H2BC18: variants seen among roughly 807,000 people sequenced by gnomAD.
H2BC18 encodes histone H2B type 2-F.
In H2BC18, 8 loss-of-function variants were observed where a neutral mutation model predicts 6.3. That is an observed-to-expected ratio of 1.28 (90% CI 0.75 to 2.31). H2BC18 has a LOEUF of 2.31. Among genes scored for constraint, H2BC18 ranks in the 30% most tolerant of loss-of-function variants. The probability of loss-of-function intolerance (pLI) is 0.00; values close to 1 mark genes in which losing one functional copy is unlikely to be tolerated. For synonymous variants in H2BC18, 104 were observed against 78.1 expected (o/e 1.33, Z -1.75); for missense variants, 106 against 174.5 (o/e 0.61, Z 2.21).
At chr1:149,810,862 G>T (rs1553754350), downstream of H2BC18, 1 of 152,106 alleles carries the variant, frequency 6.6e-6, no homozygotes, top group African/African-American at 2.4e-5. Flanking sequence ...ACCTCGTCAG[G>T]TCCCACCTCC....
chr1:149,796,593 T>A (rs1269680471), intron 1 of H2BC18, among the ~76,000 whole-genome samples: 2 of 152,250 alleles, frequency 1.3e-5, no homozygotes, highest in Admixed American at 6.5e-5. Context: ...TAGTTTATTG[T>A]GACCAAAGAT....
chr1:149,812,093 C>T lies in H2BC18; in HGVS notation c.231G>A (p.Glu77=), dbSNP rs782677208. The change falls in exon 1 of 1, where the codon GAG becomes GAA. Residue 77 remains glutamate, a synonymous_variant. Coordinates refer to ENST00000369167, the MANE Select transcript of H2BC18 (RefSeq NM_001024599.5). ...VNDIFERIAG[E]ASRLAHYNKR... is the part of the protein sequence containing the mutation. ...TGTTGTAGTGCGCCAGGCGGGACGC[C>T]TCTCCCGCGATGCGCTCGAAGATGT... The T allele has an allele frequency of 6.2e-7, 1 of 1,614,154 alleles. No individual in the cohort carries two copies.
intron 1 of H2BC18, among the ~76,000 whole-genome samples, chr1:149,797,209 G>A (rs587610342): frequency 8.5e-5 from 13 of 152,218 alleles, no homozygotes; most frequent in African/African-American, 3.1e-4. Flanking sequence ...TGCCGCACCT[G>A]GCCTTGGTGC....
chr1:149,806,034 C>G (rs2091913838), intron 1 of H2BC18, among the ~76,000 whole-genome samples: 1 of 152,164 alleles, frequency 6.6e-6, no homozygotes, highest in African/African-American at 2.4e-5. Context: ...GGTAAGAGGG[C>G]AAGGGCAACA....
chr1:149,798,982 T>A (rs1162160145), intron 1 of H2BC18, among the ~76,000 whole-genome samples: 1 of 144,482 alleles, frequency 6.9e-6, no homozygotes, highest in African/African-American at 2.6e-5. Flanking sequence ...TTACTTAGCT[T>A]GTTTTACTTC....
intron 1 of H2BC18, among the ~76,000 whole-genome samples, chr1:149,797,723 T>C (rs782632259): frequency 5.3e-5 from 8 of 152,138 alleles, no homozygotes; most frequent in Non-Finnish European, 1.2e-4. Context: ...TCGGCCTCCC[T>C]AGCAGTTCGA....
At chr1:149,799,825 A>G (rs1221600297) in intron 1 of H2BC18, among the ~76,000 whole-genome samples, 5 of 152,234 alleles carry the variant, frequency 3.3e-5, no homozygotes, top group Non-Finnish European at 7.3e-5. Context: ...AACTCAAACT[A>G]TGTGTTTCCT....
chr1:149,801,898 G>C (rs1378250588), intron 1 of H2BC18, among the ~76,000 whole-genome samples: 1 of 151,774 alleles, frequency 6.6e-6, no homozygotes, highest in African/African-American at 2.4e-5. Flanking sequence ...TAAATTATTT[G>C]CACATACTAG....
downstream of H2BC18, among the ~76,000 whole-genome samples, chr1:149,807,514 G>A (rs1245869877): frequency 6.7e-5 from 4 of 59,892 alleles, no homozygotes; most frequent in Non-Finnish European, 6.7e-5. Context: ...GGCATGGCGG[G>A]GGGGGGGGGG....
downstream of H2BC18, among the ~76,000 whole-genome samples, chr1:149,808,635 T>C (rs2664722): frequency 1.3e-5 from 2 of 152,238 alleles, no homozygotes; most frequent in African/African-American, 2.4e-5. Context: ...TATTTGATAA[T>C]ACATACTGAG....
Position 149,784,861 on chromosome 1 carries a change from T to G in H2BC18, c.378-1601A>C, listed in dbSNP as rs587638902. On this transcript the variant is annotated intron_variant, in intron 1 of 1. Transcript: ENST00000545683. ...CACTTTAAAATGTCTGCTGCACAGCTGTACCAGAATTAATTTAACCATTCT... is the reference window on the plus strand; with the variant it reads ...CACTTTAAAATGTCTGCTGCACAGCGGTACCAGAATTAATTTAACCATTCT... 5.9e-5 allele frequency among the ~76,000 whole-genome samples: 9 copies of G among 152,066 alleles called. No individual in the cohort carries two copies. In the South Asian group the frequency reaches 1.7e-3, roughly 28 times the overall value.
intron 1 of H2BC18, among the ~76,000 whole-genome samples, chr1:149,796,216 C>T (rs1248756939): frequency 4.6e-5 from 7 of 152,000 alleles, no homozygotes; most frequent in African/African-American, 1.7e-4. Flanking sequence ...CTACTCAACA[C>T]TTAGAGAAGA....
intron 1 of H2BC18, chr1:149,788,374 C>A (rs1553751083): frequency 6.2e-7 from 1 of 1,612,830 alleles, no homozygotes; most frequent in Non-Finnish European, 8.5e-7. Flanking sequence ...AGGCTGGCTA[C>A]TACTGCAGGT....
intron 1 of H2BC18, among the ~76,000 whole-genome samples, chr1:149,798,591 T>C (rs1425339872): frequency 6.7e-6 from 1 of 150,100 alleles, no homozygotes; most frequent in African/African-American, 2.5e-5. Context: ...TCTAGTGCCA[T>C]ATATAAATGT....
chr1:149,789,916 C>T, intron 1 of H2BC18: 1 of 1,549,434 alleles, frequency 6.5e-7, no homozygotes, highest in Admixed American at 1.9e-5. Context: ...TGGCTCTCTG[C>T]TGGAAGTAAA....
chr1:149,811,713 A>C (rs2091976651), downstream of H2BC18: 1 of 651,752 alleles, frequency 1.5e-6, no homozygotes, highest in South Asian at 2.0e-5. Context: ...GATAACAAGC[A>C]ACTCAGTAAG....
chr1:149,788,426 G>A (rs782064711), intron 1 of H2BC18: 2 of 1,613,712 alleles, frequency 1.2e-6, no homozygotes, highest in Non-Finnish European at 1.7e-6. Context: ...CTGGCCTTGA[G>A]GTGTCATGCG....
chr1:149,806,502 C>T (rs1304058448), intron 1 of H2BC18, among the ~76,000 whole-genome samples: 6 of 151,988 alleles, frequency 3.9e-5, no homozygotes, highest in Non-Finnish European at 8.8e-5. Context: ...GCAGGAGAAT[C>T]GCTTGAACCC....
At chr1:149,786,879 TTAGTA>T (rs1317123700) in intron 1 of H2BC18, 1 of 152,212 alleles carries the variant, frequency 6.6e-6, no homozygotes, top group African/African-American at 2.4e-5. Context: ...TATCAGTTCA[TTAGTA>T]TTTGTTGAAA....
Sources: allele counts gnomAD v4.1 joint callset (sites outside exome capture counted in the v4.1 genomes callset), GRCh38; gene constraint gnomAD v4.1.1; transcripts MANE v1.5; gene names NCBI Gene and HGNC (gene_info 2026-07-23, HGNC 2026-07-21).